HYDIN: variants seen among roughly 807,000 people sequenced by gnomAD.
HYDIN encodes the protein HYDIN axonemal central pair apparatus protein.
Under a neutral mutation model 403.9 loss-of-function variants are expected in HYDIN, and 132 were observed. The observed-to-expected ratio is 0.33, with a 90% CI of 0.28 to 0.38. The LOEUF is 0.38. HYDIN is among the 10% of genes least tolerant of loss of function. The probability of loss-of-function intolerance (pLI) is 1.00; values close to 1 mark genes in which losing one functional copy is unlikely to be tolerated. For synonymous variants in HYDIN, 1,202 were observed against 1,891.7 expected (o/e 0.64, Z 9.46); for missense variants, 2,827 against 5,009.5 (o/e 0.56, Z 13.15).
intron 8 of HYDIN, among the ~76,000 whole-genome samples, chr16:71,130,505 G>A (rs1171433226): frequency 7.6e-6 from 1 of 130,852 alleles, no homozygotes; most frequent in African/African-American, 2.9e-5. Context: ...TTTTGAGACG[G>A]AGTCTCGCTC....
Position 70,883,959 on chromosome 16 carries a change from C to A in HYDIN, c.9940G>T (p.Gly3314Cys). 1 of 1,613,984 alleles carries A rather than the reference C, an allele frequency of 6.2e-7. No individual in the cohort carries two copies. Among genetic ancestry groups the A allele is most frequent in the Non-Finnish European group, 8.5e-7 (1 of 1,180,026 alleles). Residue 3314 changes from glycine to cysteine, a missense_variant, in exon 59 of 86, where the codon GGC becomes TGC. Physicochemically the swap from Gly to Cys is radical, Grantham distance 159. Coordinates refer to ENST00000393567, the MANE Select transcript of HYDIN (RefSeq NM_001270974.2). Reference protein sequence around the residue: ...SGRDPAVHPAGILYTLLAEAC... With the variant: ...SGRDPAVHPACILYTLLAEAC... ...TCAGCTAGCAAAGTGTAAAGAATGC[C>A]GGCAGGGTGGACTGCAGGGTCTCGG... is the stretch of plus-strand genomic sequence containing the variant.
intron 50 of HYDIN, among the ~76,000 whole-genome samples, chr16:70,905,657 A>C: frequency 6.7e-6 from 1 of 149,124 alleles, no homozygotes; most frequent in African/African-American, 2.5e-5. Context: ...AAAAAAAGAC[A>C]AGAAAAGAAA....
intron 1 of HYDIN, among the ~76,000 whole-genome samples, chr16:71,198,372 T>C (rs1339172627): frequency 6.6e-6 from 1 of 152,206 alleles, no homozygotes; most frequent in Non-Finnish European, 1.5e-5. Flanking sequence ...AGAGTCTATA[T>C]CTAGGAAAGA....
chr16:71,066,189 A>G (rs1016165324), intron 15 of HYDIN, among the ~76,000 whole-genome samples: 57 of 152,018 alleles, frequency 3.7e-4, no homozygotes, highest in Non-Finnish European at 6.3e-4. Flanking sequence ...ATAAGCCTGC[A>G]TAGACAAGAA....
chr16:71,211,382 T>A (rs1386320353), intron 1 of HYDIN, among the ~76,000 whole-genome samples: 1 of 147,658 alleles, frequency 6.8e-6, no homozygotes. Context: ...GACTCACACC[T>A]GTAATCCCAG....
chr16:70,849,310 T>C (rs1156861306), intron 75 of HYDIN, among the ~76,000 whole-genome samples: 2 of 151,996 alleles, frequency 1.3e-5, no homozygotes, highest in Non-Finnish European at 2.9e-5. Flanking sequence ...ATTTTCAGAG[T>C]TCTGAAAAAG....
At chr16:70,933,541 T>C (rs2077413980) in intron 45 of HYDIN, 1 of 152,706 alleles carries the variant, frequency 6.5e-6, no homozygotes, top group African/African-American at 2.4e-5. Flanking sequence ...CCCCACCGCC[T>C]TCTGGCCATG....
intron 7 of HYDIN, among the ~76,000 whole-genome samples, chr16:71,151,105 C>A (rs2085520518): frequency 6.6e-6 from 1 of 152,148 alleles, no homozygotes; most frequent in Non-Finnish European, 1.5e-5. Context: ...TGTAAAATGA[C>A]ACAACTATCT....
intron 41 of HYDIN, among the ~76,000 whole-genome samples, chr16:70,945,696 T>C (rs1300228197): frequency 6.6e-6 from 1 of 151,900 alleles, no homozygotes; most frequent in Non-Finnish European, 1.5e-5. Context: ...GGTGGAGGAG[T>C]GTGGTGTCTG....
At chr16:70,895,957 C>G (rs1471465707) in intron 54 of HYDIN, 24 bp downstream of exon 54, 7 of 1,580,034 alleles carry the variant, frequency 4.4e-6, no homozygotes, top group Non-Finnish European at 2.6e-6. Context: ...TCCAAACATC[C>G]TGTCCTTGAA....
intron 29 of HYDIN, among the ~76,000 whole-genome samples, chr16:70,979,451 T>C (rs1388527243): frequency 6.6e-6 from 1 of 152,146 alleles, no homozygotes; most frequent in African/African-American, 2.4e-5. Context: ...TCACTTTTTA[T>C]GTTTATTAAA....
chr16:71,020,363 C>T, intron 21 of HYDIN, 46 bp from the exon 22 acceptor site: 2 of 1,582,198 alleles, frequency 1.3e-6, no homozygotes, highest in Non-Finnish European at 1.7e-6. Flanking sequence ...ATGGTAAATA[C>T]AGTAAGCTTT....
chr16:71,206,459 T>C (rs1234717203), intron 1 of HYDIN, among the ~76,000 whole-genome samples: 2 of 152,116 alleles, frequency 1.3e-5, no homozygotes, highest in African/African-American at 4.8e-5. Context: ...TGAAGGAACA[T>C]TGGCCCACAC....
chr16:71,213,954 A>C (rs1265178711), intron 1 of HYDIN, among the ~76,000 whole-genome samples: 1 of 152,102 alleles, frequency 6.6e-6, no homozygotes, highest in Non-Finnish European at 1.5e-5. Flanking sequence ...CTGGAAGACA[A>C]AAAAGACTCA....
intron 1 of HYDIN, among the ~76,000 whole-genome samples, chr16:71,189,493 C>T (rs962616019): frequency 6.6e-6 from 1 of 151,996 alleles, no homozygotes; most frequent in Non-Finnish European, 1.5e-5. Context: ...TTTGGCTGGG[C>T]GTAGTGGCTC....
chr16:71,203,665 T>C (rs886381426), intron 1 of HYDIN: 1 of 449,600 alleles, frequency 2.2e-6, no homozygotes. Flanking sequence ...GGACAGGTAA[T>C]TCCATACACA....
At chr16:71,133,196 G>A (rs1260632366) in intron 8 of HYDIN, 3 of 444,868 alleles carry the variant, frequency 6.7e-6, no homozygotes, top group Non-Finnish European at 1.3e-5. Flanking sequence ...GAATGCTGAG[G>A]AGATTAAAAA....
At chr16:71,057,616 C>T (rs1413502729) in intron 18 of HYDIN, among the ~76,000 whole-genome samples, 3 of 151,758 alleles carry the variant, frequency 2.0e-5, no homozygotes. Flanking sequence ...ATTTAGAAAA[C>T]TATTTCTAAA....
At chr16:71,043,942 AAG>A (rs77323675) in intron 18 of HYDIN, among the ~76,000 whole-genome samples, 36 of 149,048 alleles carry the variant, frequency 2.4e-4, no homozygotes, top group Middle Eastern at 3.4e-3. Context: ...GAAAGAAAGA[AAG>A]AGAGAGAGAG....
Sources: allele counts gnomAD v4.1 joint callset (sites outside exome capture counted in the v4.1 genomes callset), GRCh38; gene constraint gnomAD v4.1.1; transcripts MANE v1.5; gene names NCBI Gene and HGNC (gene_info 2026-07-23, HGNC 2026-07-21).